CCDC50: variants seen among roughly 807,000 people sequenced by gnomAD.
CCDC50 encodes coiled-coil domain-containing protein 50.
CCDC50 carries 54 observed loss-of-function variants against 70.2 expected under a neutral mutation model. The observed-to-expected ratio is 0.77, with a 90% CI of 0.62 to 0.96. The LOEUF is 0.96. CCDC50 is among the 50% of genes least tolerant of loss of function. The probability of loss-of-function intolerance (pLI) is 0.00; values close to 1 mark genes in which losing one functional copy is unlikely to be tolerated. For missense variants in CCDC50, 558 were observed against 578.7 expected (o/e 0.96, Z 0.37); for synonymous variants, 216 against 198.8 (o/e 1.09, Z -0.73).
chr3:191,343,776 A>C (rs1312838442), intron 1 of CCDC50, among the ~76,000 whole-genome samples: 1 of 152,218 alleles, frequency 6.6e-6, no homozygotes, highest in Admixed American at 6.5e-5. Flanking sequence ...AGGGTACTTC[A>C]GTAAGTGCTT....
chr3:191,332,177 C>G (rs1275091620), intron 1 of CCDC50, among the ~76,000 whole-genome samples: 1 of 152,172 alleles, frequency 6.6e-6, no homozygotes, highest in African/African-American at 2.4e-5. Flanking sequence ...TGGGTAGCAG[C>G]TGACATTAGG....
intron 4 of CCDC50, 47 bp from the exon 5 acceptor site, chr3:191,369,872 T>C: frequency 7.2e-7 from 1 of 1,380,124 alleles, no homozygotes; most frequent in Non-Finnish European, 1.0e-6. Flanking sequence ...ATGGAGTTTG[T>C]TTGTTCTTTG....
intron 5 of CCDC50, 122 bp downstream of exon 5, chr3:191,370,158 G>GGA: frequency 1.3e-6 from 1 of 745,424 alleles, no homozygotes; most frequent in Non-Finnish European, 2.5e-6. Flanking sequence ...CAGGCACTGG[G>GGA]TACATTTAGA....
chr3:191,375,099 T>C lies in CCDC50; in HGVS notation c.486T>C (p.Ser162=). ...CAAGGAGGGCCAGGGAATTGGGTTCTGGATTCTCAAGACCTTGTAGACTCC... is the reference window on the plus strand; with the variant it reads ...CAAGGAGGGCCAGGGAATTGGGTTCCGGATTCTCAAGACCTTGTAGACTCC... ...PGSRRARELG[S]GFSRPCRLQR... Residue 162 remains serine, a synonymous_variant, in exon 6 of 12, where the codon TCT becomes TCC. Transcript: ENST00000392455. 1 of 1,613,622 alleles carries C rather than the reference T, an allele frequency of 6.2e-7. No homozygotes were observed. The highest frequency in any genetic ancestry group is 8.5e-7 in the Non-Finnish European group (1 of 1,179,694).
intron 7 of CCDC50, 76 bp from the exon 8 acceptor site, chr3:191,380,611 A>G: frequency 7.1e-7 from 1 of 1,407,356 alleles, no homozygotes. Flanking sequence ...AAACCAGCTT[A>G]TTTTGTACAA....
At chr3:191,367,968 A>G (rs1225867804) in intron 4 of CCDC50, among the ~76,000 whole-genome samples, 1 of 152,002 alleles carries the variant, frequency 6.6e-6, no homozygotes, top group African/African-American at 2.4e-5. Context: ...GTAAGATATT[A>G]AAGCTAAAGA....
chr3:191,356,243 C>T (rs1018427194), intron 1 of CCDC50, among the ~76,000 whole-genome samples: 14 of 152,246 alleles, frequency 9.2e-5, no homozygotes, highest in East Asian at 7.7e-4. Flanking sequence ...TGTATGTTTA[C>T]GAAGCAGGAG....
Position 191,329,611 on chromosome 3 carries a change from C to T in CCDC50, c.-64C>T. ...CGGCGCTGCTGCTGCGCTCGGGGCCCCGCTCGGCGCCGGCGGTGACCGGGA... is the reference window on the plus strand; with the variant it reads ...CGGCGCTGCTGCTGCGCTCGGGGCCTCGCTCGGCGCCGGCGGTGACCGGGA... On this transcript the variant is annotated 5_prime_UTR_variant, in exon 1 of 12. Coordinates refer to ENST00000392455, the MANE Select transcript of CCDC50 (RefSeq NM_178335.3). 2 of 1,552,056 alleles carry T rather than the reference C, an allele frequency of 1.3e-6. No individual in the cohort carries two copies. Among genetic ancestry groups the T allele is most frequent in the Non-Finnish European group, 8.7e-7 (1 of 1,145,100 alleles).
intron 6 of CCDC50, among the ~76,000 whole-genome samples, chr3:191,378,294 A>C (rs1424610126): frequency 3.9e-5 from 6 of 152,314 alleles, no homozygotes; most frequent in South Asian, 2.1e-4. Flanking sequence ...CACCCTGTCA[A>C]AACAATTAGA....
intron 3 of CCDC50, among the ~76,000 whole-genome samples, chr3:191,360,244 A>G (rs1712436706): frequency 6.6e-6 from 1 of 152,204 alleles, no homozygotes; most frequent in Non-Finnish European, 1.5e-5. Context: ...TGAACCAGAG[A>G]TGGTACTTCT....
intron 6 of CCDC50, among the ~76,000 whole-genome samples, chr3:191,379,328 A>G (rs991465814): frequency 1.3e-5 from 2 of 152,120 alleles, no homozygotes; most frequent in Non-Finnish European, 2.9e-5. Context: ...TAAAGAGACA[A>G]TCAGGAGTAC....
chr3:191,366,449 T>G (rs1560164911), intron 4 of CCDC50, among the ~76,000 whole-genome samples: 1 of 152,152 alleles, frequency 6.6e-6, no homozygotes, highest in Non-Finnish European at 1.5e-5. Flanking sequence ...AATTAATGTA[T>G]TTACTAGGAA....
chr3:191,383,313 T>TA (rs1282922206), intron 10 of CCDC50, among the ~76,000 whole-genome samples: 1 of 152,150 alleles, frequency 6.6e-6, no homozygotes, highest in African/African-American at 2.4e-5. Context: ...GGCTATGGTG[T>TA]ACATACTTTC....
rs1051981300 is a variant in CCDC50, at chr3:191,393,686, A to G, written c.*1926A>G. ...TATAGCTGTGATAAAATGGGTAAAG[A>G]AAAACCTCCATTTAAATAAGGAAGG... On this transcript the variant is annotated 3_prime_UTR_variant, in exon 12 of 12. Transcript: ENST00000392455. 2 of 152,218 alleles carry G rather than the reference A, an allele frequency of 1.3e-5. No homozygotes were observed. Among genetic ancestry groups the G allele is most frequent in the African/African-American group, 4.8e-5 (2 of 41,466 alleles). 9.4% of individuals were successfully genotyped at this position (152,218 alleles called of 1,614,324 possible).
chr3:191,342,294 T>C (rs1711758063), intron 1 of CCDC50, among the ~76,000 whole-genome samples: 1 of 152,258 alleles, frequency 6.6e-6, no homozygotes, highest in African/African-American at 2.4e-5. Context: ...CCATGCCTGT[T>C]TATCCCATGA....
At chr3:191,370,230 A>G (rs980538824) in intron 5 of CCDC50, 194 bp downstream of exon 5, 8 of 503,970 alleles carry the variant, frequency 1.6e-5, no homozygotes, top group African/African-American at 3.9e-5. Flanking sequence ...TGTTTTTATT[A>G]TACTTTAAGT....
rs1713771167 is a variant in CCDC50 at position 191,393,743 on chromosome 3, C to G, written c.*1983C>G. 1.3e-5 allele frequency: 2 copies of G among 152,086 alleles called. No individual in the cohort carries two copies. Among genetic ancestry groups the G allele is most frequent in the South Asian group, 4.1e-4 (2 of 4,822 alleles). 9.4% of individuals were successfully genotyped at this position (152,086 alleles called of 1,614,324 possible). On this transcript the variant is annotated 3_prime_UTR_variant, in exon 12 of 12. Transcript: ENST00000392455. ...AAAATGGAAGGTCCTGGCCTTAAGT[C>G]AAATTCCAGATAGTGCTTTCAATAT...
At chr3:191,365,632 C>T (rs1239091685) in intron 4 of CCDC50, among the ~76,000 whole-genome samples, 1 of 152,072 alleles carries the variant, frequency 6.6e-6, no homozygotes, top group African/African-American at 2.4e-5. Context: ...ATGTTAATTG[C>T]TAGTTAATAG....
In CCDC50 at chr3:191,388,933, T is replaced by G. The variant is rs1455592020; in HGVS notation, c.1323-563T>G. 2.0e-5 allele frequency among the ~76,000 whole-genome samples: 3 copies of G among 151,918 alleles called. No homozygotes were observed. In the East Asian group the frequency reaches 5.8e-4, roughly 29 times the overall value. ...AGTAAAAATTATATCTTTTTTTTTT[T>G]TTTTACATTTTTTGACATAAAAAGT... is the stretch of plus-strand genomic sequence containing the variant. On this transcript the variant is annotated intron_variant, in intron 10 of 11. Coordinates refer to ENST00000392455, the MANE Select transcript of CCDC50 (RefSeq NM_178335.3).
Sources: gnomAD v4.1 joint callset for allele counts (sites outside exome capture counted in the v4.1 genomes callset) on GRCh38, gnomAD v4.1.1 for gene constraint, MANE v1.5 for transcripts, NCBI Gene and HGNC (gene_info 2026-07-23, HGNC 2026-07-21) for gene names.